Variants in SCLT1 observed in about 807,000 individuals in gnomAD.
SCLT1 encodes the protein sodium channel and clathrin linker 1.
SCLT1 carries 78 observed loss-of-function variants against 112.8 expected under a neutral mutation model. The observed-to-expected ratio is 0.69, with a 90% CI of 0.58 to 0.83. The LOEUF is 0.83. SCLT1 is among the 40% of genes least tolerant of loss of function. The pLI is 0.00. For missense variants in SCLT1, 747 were observed against 770.4 expected (o/e 0.97, Z 0.36); for synonymous variants, 257 against 254.7 (o/e 1.01, Z -0.09).
At chr4:128,913,413 G>A (rs956851248) in intron 18 of SCLT1, among the ~76,000 whole-genome samples, 10 of 152,170 alleles carry the variant, frequency 6.6e-5, no homozygotes, top group Non-Finnish European at 8.8e-5. Context: ...TTGCCTAAAA[G>A]GGATGATGGG....
rs1734856344 is a variant in SCLT1 at position 128,908,451 on chromosome 4, T to C, written c.1830-17314A>G. ...TTACAGATATACAGCCAAGGAATTA[T>C]ATTGTTTTACAAAGTGAAGAGAATG... is the stretch of plus-strand genomic sequence containing the variant. On this transcript the variant is annotated intron_variant, in intron 18 of 20. Coordinates refer to ENST00000281142, the MANE Select transcript of SCLT1 (RefSeq NM_144643.4). 2.6e-5 allele frequency among the ~76,000 whole-genome samples: 4 copies of C among 151,754 alleles called. No homozygotes were observed. In the South Asian group the frequency reaches 8.3e-4, roughly 32 times the overall value.
At chr4:128,950,316 C>T (rs2125999980) in intron 14 of SCLT1, among the ~76,000 whole-genome samples, 1 of 152,212 alleles carries the variant, frequency 6.6e-6, no homozygotes, top group Middle Eastern at 3.4e-3. Flanking sequence ...TATCCCTCTC[C>T]ACCCAATCCA....
chr4:128,963,627 T>C (rs1235946596), intron 11 of SCLT1, among the ~76,000 whole-genome samples: 1 of 152,218 alleles, frequency 6.6e-6, no homozygotes, highest in Non-Finnish European at 1.5e-5. Flanking sequence ...GGCATAAAAA[T>C]AGAAGTTTCA....
chr4:128,943,257 T>A, intron 16 of SCLT1, 69 bp from the exon 17 acceptor site: 1 of 1,108,782 alleles, frequency 9.0e-7, no homozygotes, highest in Non-Finnish European at 1.3e-6. Flanking sequence ...AAAGTCTGTC[T>A]ACATTTTATC....
At chr4:129,038,491 C>G (rs1409608236) in intron 5 of SCLT1, among the ~76,000 whole-genome samples, 1 of 151,786 alleles carries the variant, frequency 6.6e-6, no homozygotes, top group Non-Finnish European at 1.5e-5. Context: ...AAAAGTATAT[C>G]GCTTGGAGAT....
At chr4:129,063,199 G>A (rs997331429) in intron 2 of SCLT1, among the ~76,000 whole-genome samples, 3 of 152,094 alleles carry the variant, frequency 2.0e-5, no homozygotes, top group Non-Finnish European at 4.4e-5. Context: ...TTCATTAACT[G>A]TATTACGTTG....
At chr4:128,940,941 G>A (rs1737639595) in intron 17 of SCLT1, among the ~76,000 whole-genome samples, 1 of 151,824 alleles carries the variant, frequency 6.6e-6, no homozygotes, top group Non-Finnish European at 1.5e-5. Flanking sequence ...ACTTTTAGCT[G>A]CACGTTCACT....
At chr4:128,996,121 A>G (rs948312237) in intron 8 of SCLT1, among the ~76,000 whole-genome samples, 1 of 151,944 alleles carries the variant, frequency 6.6e-6, no homozygotes, top group Non-Finnish European at 1.5e-5. Context: ...TTTTGATCAC[A>G]TGGCACGGCA....
At chr4:128,964,277 G>A (rs1739988905) in intron 11 of SCLT1, among the ~76,000 whole-genome samples, 1 of 152,082 alleles carries the variant, frequency 6.6e-6, no homozygotes, top group African/African-American at 2.4e-5. Flanking sequence ...GTAGTTATTG[G>A]CACAGTCTCA....
At chr4:128,942,948 A>G (rs193236315) in intron 17 of SCLT1, 48 bp downstream of exon 17, 2 of 1,404,606 alleles carry the variant, frequency 1.4e-6, no homozygotes, top group South Asian at 1.3e-5. Flanking sequence ...AATATTCTCT[A>G]TACTTTGATT....
chr4:128,992,163 AT>A lies in SCLT1; in HGVS notation c.686+3del. The A allele has an allele frequency of 6.4e-7, 1 of 1,558,266 alleles. No homozygotes were observed. Among genetic ancestry groups the A allele is most frequent in the South Asian group, 1.2e-5 (1 of 86,672 alleles). ...GAAATAATGAAACTCATTTTTGAAA[AT>A]ACCTAAGTTTTTTTCGGAGTTGTTC... On this transcript the variant is annotated splice_donor_region_variant and intron_variant, in intron 9 of 20. Coordinates refer to ENST00000281142, the MANE Select transcript of SCLT1 (RefSeq NM_144643.4).
At chr4:128,931,948 CTTT>C (rs33969702) in intron 18 of SCLT1, among the ~76,000 whole-genome samples, 28 of 146,296 alleles carry the variant, frequency 1.9e-4, no homozygotes, top group Admixed American at 1.3e-3. Flanking sequence ...ATTTCTATCC[CTTT>C]TTTTTTTTTT....
chr4:128,885,775 A>G (rs1372879788), intron 20 of SCLT1, among the ~76,000 whole-genome samples: 1 of 152,238 alleles, frequency 6.6e-6, no homozygotes, highest in African/African-American at 2.4e-5. Flanking sequence ...TATCAATAAT[A>G]TGTGAAAGTG....
intron 18 of SCLT1, among the ~76,000 whole-genome samples, chr4:128,897,722 G>A (rs927740972): frequency 2.6e-5 from 4 of 152,022 alleles, no homozygotes; most frequent in East Asian, 1.9e-4. Flanking sequence ...AAAGACACAG[G>A]CTGGCAAATT....
intron 2 of SCLT1, among the ~76,000 whole-genome samples, chr4:129,048,259 T>C (rs1021759150): frequency 2.0e-5 from 3 of 152,122 alleles, no homozygotes; most frequent in Non-Finnish European, 4.4e-5. Context: ...CAAAACAGCA[T>C]GGTACTGGTA....
chr4:128,984,825 G>C (rs1049574178), intron 9 of SCLT1, among the ~76,000 whole-genome samples: 1 of 150,968 alleles, frequency 6.6e-6, no homozygotes, highest in Non-Finnish European at 1.5e-5. Flanking sequence ...GTTTATTTTT[G>C]TTTTTTTGCT....
rs1746022371 is a variant in SCLT1 at position 129,025,928 on chromosome 4, C to T, written c.290+13113G>A. 3.3e-5 allele frequency among the ~76,000 whole-genome samples: 5 copies of T among 152,022 alleles called. No homozygotes were observed. In the South Asian group the frequency reaches 8.3e-4, roughly 25 times the overall value. ...GTCTCTGATAAAACAGACTTTAAACCAACAAAGATCAAAAGAGACAAAGAA... is the reference window on the plus strand; with the variant it reads ...GTCTCTGATAAAACAGACTTTAAACTAACAAAGATCAAAAGAGACAAAGAA... On this transcript the variant is annotated intron_variant, in intron 5 of 20. Transcript: ENST00000281142.
intron 4 of SCLT1, chr4:128,874,575 A>G (rs993061545): frequency 2.0e-5 from 3 of 152,606 alleles, no homozygotes; most frequent in Non-Finnish European, 1.5e-5. Context: ...TCCTGCTTCG[A>G]AATGCAAATG....
At position 128,997,869 on chromosome 4, in the gene SCLT1, C is replaced by T; in HGVS notation, c.615+5G>A. Reference sequence around the variant, plus strand: ...TTTCTAGTTTATATAAATAAGTATACTTACCACTTCCATGTTCTCATTAGT... The same window carrying T: ...TTTCTAGTTTATATAAATAAGTATATTTACCACTTCCATGTTCTCATTAGT... On this transcript the variant is annotated splice_donor_5th_base_variant and intron_variant, in intron 8 of 20. Transcript: ENST00000281142. The T allele has an allele frequency of 7.4e-7, 1 of 1,353,110 alleles. No individual in the cohort carries two copies. Among genetic ancestry groups the T allele is most frequent in the South Asian group, 1.5e-5 (1 of 67,362 alleles). The allele number at this position is 1,353,110 out of a possible 1,614,324, so 83.8% of individuals were successfully genotyped here.
Sources: gnomAD v4.1 joint callset for allele counts (sites outside exome capture counted in the v4.1 genomes callset) on GRCh38, gnomAD v4.1.1 for gene constraint, MANE v1.5 for transcripts, NCBI Gene and HGNC (gene_info 2026-07-23, HGNC 2026-07-21) for gene names.